The following DEF8 variants were observed in gnomAD, a reference collection of about 807,000 sequenced individuals.
The protein encoded by DEF8 is differentially expressed in FDCP 8 homolog.
A neutral mutation model predicts 59.1 loss-of-function variants in DEF8; 38 were observed. That is an observed-to-expected ratio of 0.64 (90% CI 0.50 to 0.84). The LOEUF is 0.84. DEF8 is among the 40% of genes least tolerant of loss of function. The pLI, the probability that DEF8 is intolerant of heterozygous loss-of-function variation, is 0.00. For missense variants in DEF8, 557 were observed against 615.2 expected, an observed-to-expected ratio of 0.91 and a Z score of 1.00; for synonymous variants, 265 against 250.1, an observed-to-expected ratio of 1.06 and a Z score of -0.56.
intron 6 of DEF8, among the ~76,000 whole-genome samples, chr16:89,960,522 AAAC>A (rs2033889483): frequency 1.3e-5 from 2 of 152,014 alleles, no homozygotes; most frequent in Non-Finnish European, 2.9e-5. Flanking sequence ...AAAAGTACAA[AAAC>A]AACAACAACA....
Position 89,958,878 on chromosome 16 carries a change from G to C in DEF8, c.373-136G>C, listed in dbSNP as rs1359630366. Reference sequence around the variant, plus strand: ...TGTTTACTGTGAAAGGGAGAAAAGGGACATGGCATTGTGCTGAAACTCACA... The same window carrying C: ...TGTTTACTGTGAAAGGGAGAAAAGGCACATGGCATTGTGCTGAAACTCACA... On this transcript the variant is annotated intron_variant, in intron 5 of 12. Transcript: ENST00000563594. 9.4e-6 allele frequency: 14 copies of C among 1,492,130 alleles called. No individual in the cohort carries two copies. The East Asian group carries it at 2.7e-4, about 29-fold the overall frequency. 92.4% of individuals were successfully genotyped at this position (1,492,130 alleles called of 1,614,324 possible).
chr16:89,953,918 G>A (rs1328709322), intron 2 of DEF8, among the ~76,000 whole-genome samples: 1 of 152,228 alleles, frequency 6.6e-6, no homozygotes, highest in Non-Finnish European at 1.5e-5. Context: ...CTCTAGGGCT[G>A]GAGCTCTGCA....
Position 89,967,668 on chromosome 16 carries a change from C to G in DEF8, c.*1705C>G. The stretch of plus-strand genomic sequence containing the variant: ...ATGCTGTTTCCCAACACCCCAAAGT[C>G]TGCACACGTCTCATGAATGCATCAC... On this transcript the variant is annotated 3_prime_UTR_variant, in exon 13 of 13. Transcript: ENST00000563594. The G allele has an allele frequency of 2.5e-6, 1 of 395,262 alleles. No homozygotes were observed. The highest frequency in any genetic ancestry group is 4.5e-6 in the Non-Finnish European group (1 of 224,462). 24.5% of individuals were successfully genotyped at this position (395,262 alleles called of 1,614,324 possible).
Position 89,954,656 on chromosome 16 carries a change from C to T in DEF8, c.124+280C>T, listed in dbSNP as rs75844981. On this transcript the variant is annotated intron_variant, in intron 3 of 12. Transcript: ENST00000563594. This position sits in a 1 kb window ranked among gnomAD's most constrained non-coding sequence, Gnocchi z 4.3. ...GTGCTCAGGGAACACTTGCTGAGTG[C>T]GGTCAGCGCTGAGACCTGGTAAGGG... Among the ~76,000 whole-genome samples the T allele has an allele frequency of 3.4e-3, 514 of 152,300 alleles. 4 individuals are homozygous for T. The highest frequency in any genetic ancestry group is 0.012 in the African/African-American group (492 of 41,546).
chr16:89,960,929 A>G lies in DEF8; in HGVS notation c.515-2A>G. 6.2e-7 allele frequency: 1 copy of G among 1,613,054 alleles called. No individual in the cohort carries two copies. Among genetic ancestry groups the G allele is most frequent in the Non-Finnish European group, 8.5e-7 (1 of 1,179,682 alleles). On this transcript the variant is annotated splice_acceptor_variant, in intron 6 of 12. Transcript: ENST00000563594. LOFTEE classifies it high-confidence loss of function. ...TGAGAAGTGTGTGTCCCTCCACCCT[A>G]GGGTGTTATTACCGCTGTCACAGTA...
chr16:89,952,230 G>A (rs1213812751), intron 2 of DEF8, among the ~76,000 whole-genome samples: 12 of 152,224 alleles, frequency 7.9e-5, no homozygotes, highest in Non-Finnish European at 1.5e-5. Flanking sequence ...GGGCCTGGCC[G>A]GATGCCGTCC....
In DEF8 at chr16:89,955,189, C is replaced by T; in HGVS notation, c.145C>T (p.Pro49Ser). The part of the protein sequence containing the change: ...TPEEALPELP[P>S]GEPEFRCPER... ...TCCAGAGGCCCTGCCTGAGCTGCCC[C>T]CTGGGGAGCCGGAATTCCGCTGCCC... Residue 49 changes from proline to serine, a missense_variant, in exon 4 of 13, where the codon CCT becomes TCT. Coordinates refer to ENST00000563594, the MANE Select transcript of DEF8 (RefSeq NM_001242818.2). 6.2e-7 allele frequency: 1 copy of T among 1,613,634 alleles called. No individual in the cohort carries two copies. The highest frequency in any genetic ancestry group is 1.1e-5 in the South Asian group (1 of 91,084).
Position 89,966,988 on chromosome 16 carries a change from G to T in DEF8, c.*1025G>T. The T allele has an allele frequency of 3.3e-6, 1 of 303,492 alleles. No individual in the cohort carries two copies. The allele number at this position is 303,492 out of a possible 1,614,324, so 18.8% of individuals were successfully genotyped here. ...AGCACATTCAGGAAGATCAGGGCAG[G>T]CGTGTGGGAGGTCCCTCACTCCACG... On this transcript the variant is annotated 3_prime_UTR_variant, in exon 13 of 13. Transcript: ENST00000563594.
At chr16:89,957,285 G>A in intron 4 of DEF8, 1 of 430,162 alleles carries the variant, frequency 2.3e-6, no homozygotes, top group Non-Finnish European at 4.1e-6. Flanking sequence ...GTTTTCAGAG[G>A]TCTGTGGGCA....
Position 89,949,778 on chromosome 16 carries a change from A to G in DEF8, c.-11+265A>G, listed in dbSNP as rs1040881897. 4 of 851,082 alleles carry G rather than the reference A, an allele frequency of 4.7e-6. No individual in the cohort carries two copies. The South Asian group carries it at 7.3e-5, about 16-fold the overall frequency. 52.7% of individuals were successfully genotyped at this position (851,082 alleles called of 1,614,324 possible). On this transcript the variant is annotated intron_variant, in intron 2 of 12. Transcript: ENST00000563594. ...GAGCAGTGGGCTCTAGAGGAGGGGCAGGGGGTGGCCAGACCTCTTGCTTTC... is the reference window on the plus strand; with the variant it reads ...GAGCAGTGGGCTCTAGAGGAGGGGCGGGGGGTGGCCAGACCTCTTGCTTTC...
rs2032952873 is a variant in DEF8, at chr16:89,955,224, G to A, written c.180G>A (p.Val60=). 6.2e-7 allele frequency: 1 copy of A among 1,613,828 alleles called. No individual in the cohort carries two copies. Among genetic ancestry groups the A allele is most frequent in the Middle Eastern group, 1.6e-4 (1 of 6,062 alleles). ...GEPEFRCPER[V]MDLGLSEDHF... is the part of the protein sequence containing the mutation. ...CGGAATTCCGCTGCCCTGAACGCGT[G>A]ATGGATCTCGGCCTGTCTGAGGACC... is the stretch of plus-strand genomic sequence containing the variant. The change falls in exon 4 of 13, where the codon GTG becomes GTA. Residue 60 remains valine, a synonymous_variant. Coordinates refer to ENST00000563594, the MANE Select transcript of DEF8 (RefSeq NM_001242818.2).
chr16:89,966,056 T>C lies in DEF8; in HGVS notation c.*93T>C. 2 of 1,000,752 alleles carry C rather than the reference T, an allele frequency of 2.0e-6. No homozygotes were observed. Among genetic ancestry groups the C allele is most frequent in the Non-Finnish European group, 3.0e-6 (2 of 672,226 alleles). 62.0% of individuals were successfully genotyped at this position (1,000,752 alleles called of 1,614,324 possible). ...CCTTCTGCTCCGGAGACCCCTGGGG[T>C]GCGGCCCTGGCCCCCTCCACCCCTG... On this transcript the variant is annotated 3_prime_UTR_variant, in exon 13 of 13. Coordinates refer to ENST00000563594, the MANE Select transcript of DEF8 (RefSeq NM_001242818.2).
chr16:89,954,798 G>A lies in DEF8; in HGVS notation c.125-371G>A, dbSNP rs1437490948. Among the ~76,000 whole-genome samples, 2 of 152,166 alleles carry A rather than the reference G, an allele frequency of 1.3e-5. No homozygotes were observed. The highest frequency in any genetic ancestry group is 2.4e-5 in the African/African-American group (1 of 41,444). On this transcript the variant is annotated intron_variant, in intron 3 of 12. Transcript: ENST00000563594. This position sits in a 1 kb window ranked among gnomAD's most constrained non-coding sequence, Gnocchi z 4.3. ...GCAGCTGCAGAGACGGCCTGGAGTC[G>A]ACACTGGGGTTCGTGGATTTTGCTG...
chr16:89,961,141 C>A (rs756414281), intron 7 of DEF8, 46 bp downstream of exon 7: 4 of 1,584,186 alleles, frequency 2.5e-6, no homozygotes, highest in South Asian at 1.1e-5. Context: ...CTGTTCCTGG[C>A]GGGGAGCCGG....
chr16:89,965,282 C>G (rs925541820), intron 12 of DEF8, among the ~76,000 whole-genome samples: 8 of 152,168 alleles, frequency 5.3e-5, no homozygotes, highest in African/African-American at 1.7e-4. Flanking sequence ...GATGGACACT[C>G]CCCCCCAGTT....
Position 89,961,090 on chromosome 16 carries a change from C to T in DEF8, c.674C>T (p.Ser225Phe). The change falls in exon 7 of 13, where the codon TCT becomes TTT. Residue 225 changes from serine (S) to phenylalanine (F), a missense_variant. Transcript: ENST00000563594. The stretch of plus-strand genomic sequence containing the variant: ...TGTGCCGAGTGCCGGGCGCCCATCT[C>T]TCTGCGTGAGTGGTGGCAGGGAGAG... ...YRCAECRAPI[S>F]LRGVPSEARQ... is the part of the protein sequence containing the mutation. 7 of 1,610,780 alleles carry T rather than the reference C, an allele frequency of 4.3e-6. No individual in the cohort carries two copies. Among genetic ancestry groups the T allele is most frequent in the Non-Finnish European group, 5.9e-6 (7 of 1,177,368 alleles).
chr16:89,964,151 G>A lies in DEF8; in HGVS notation c.1003-19G>A, dbSNP rs979929637. 4 of 1,613,856 alleles carry A rather than the reference G, an allele frequency of 2.5e-6. No homozygotes were observed. Among genetic ancestry groups the A allele is most frequent in the Admixed American group, 3.3e-5 (2 of 60,010 alleles). The stretch of plus-strand genomic sequence containing the variant: ...GGCCCTCCCCGGTGCAGGGCGTCAC[G>A]GCTGCTGGGACTTGGCAGCTCCAGG... On this transcript the variant is annotated intron_variant, in intron 10 of 12. Transcript: ENST00000563594.
At chr16:89,951,933 AGTG>A (rs2032194029) in intron 2 of DEF8, among the ~76,000 whole-genome samples, 2 of 150,748 alleles carry the variant, frequency 1.3e-5, no homozygotes, top group African/African-American at 4.9e-5. Flanking sequence ...GCTGGAGTGC[AGTG>A]GTGCGTTCTC....
chr16:89,954,516 A>T lies in DEF8; in HGVS notation c.124+140A>T, dbSNP rs981331752. On this transcript the variant is annotated intron_variant, in intron 3 of 12. Coordinates refer to ENST00000563594, the MANE Select transcript of DEF8 (RefSeq NM_001242818.2). The surrounding 1 kb of genome is among the most constrained non-coding windows in gnomAD (Gnocchi z 4.3). ...ACCTGCTGGCTGTGTTCTTTTTCCC[A>T]TCTCTTCTGTGGTCGTGTGGTTTGT... The T allele has an allele frequency of 7.4e-5, 69 of 926,790 alleles. 1 individual carries two copies. In the African/African-American group the frequency reaches 8.2e-4, roughly 11 times the overall value. 57.4% of individuals were successfully genotyped at this position (926,790 alleles called of 1,614,324 possible). A position where few individuals can be genotyped will look rare whatever the true frequency, so the allele number is the denominator to read the frequency against.
Sources: gnomAD v4.1 joint callset for allele counts (sites outside exome capture counted in the v4.1 genomes callset) on GRCh38, gnomAD v4.1.1 for gene constraint, Gnocchi (gnomAD v3.1) non-coding constraint, MANE v1.5 for transcripts, NCBI Gene and HGNC (gene_info 2026-07-23, HGNC 2026-07-21) for gene names.